The following ABCB5 variants were observed in gnomAD, a reference collection of about 807,000 sequenced individuals.
The protein encoded by ABCB5 is ATP binding cassette subfamily B member 5.
Under a neutral mutation model 144.2 loss-of-function variants are expected in ABCB5, and 155 were observed. The ratio of observed to expected loss-of-function variants is 1.08; its 90% CI spans 0.94 to 1.23. ABCB5 has a LOEUF of 1.23. ABCB5 is among the 50% of genes most tolerant of loss of function. ABCB5 has a pLI of 0.00. For synonymous variants in ABCB5, 610 were observed against 528.6 expected, an observed-to-expected ratio of 1.15 and a Z score of -2.11; for missense variants, 1,830 against 1,520.8, an observed-to-expected ratio of 1.20 and a Z score of -3.38.
rs1242291728 is a variant in ABCB5, at chr7:20,710,381, A to AAAGGG, written c.2421+5574_2421+5575insAAGGG. The stretch of plus-strand genomic sequence containing the variant: ...AAACTCCACCTCAAAAAAAAAAAAA[A>AAAGGG]GTGGGGGGGGGGCATGACTGTGTTT... On this transcript the variant is annotated intron_variant, in intron 20 of 27. Transcript: ENST00000404938. Among the ~76,000 whole-genome samples, 196 of 56,658 alleles carry AAAGGG rather than the reference A, an allele frequency of 3.5e-3. 33 individuals are homozygous for AAAGGG. Among genetic ancestry groups the AAAGGG allele is most frequent in the East Asian group, 7.2e-3 (9 of 1,258 alleles). The allele number at this position is 56,658 out of a possible 152,430, so 37.2% of individuals were successfully genotyped here.
At position 20,686,621 on chromosome 7, in the gene ABCB5, T is replaced by C. The variant is rs115163986; in HGVS notation, c.2010+785T>C. Reference sequence around the variant, plus strand: ...GCTCCAGCCCTCTTCCCAAACCCAGTCGACCTTTGCTAGCCCCTGGTGCTC... The same window carrying C: ...GCTCCAGCCCTCTTCCCAAACCCAGCCGACCTTTGCTAGCCCCTGGTGCTC... On this transcript the variant is annotated intron_variant, in intron 16 of 27. Coordinates refer to ENST00000404938, the MANE Select transcript of ABCB5 (RefSeq NM_001163941.2). Among the ~76,000 whole-genome samples the C allele has an allele frequency of 5.5e-3, 838 of 152,262 alleles. 9 individuals carry two copies. The highest frequency in any genetic ancestry group is 0.019 in the African/African-American group (792 of 41,562).
intron 20 of ABCB5, among the ~76,000 whole-genome samples, chr7:20,706,211 C>CT (rs1241482709): frequency 6.6e-6 from 1 of 152,142 alleles, no homozygotes; most frequent in Non-Finnish European, 1.5e-5. Flanking sequence ...CCATGGTATA[C>CT]TACTCCAGGC....
chr7:20,747,550 C>T (rs1337282714), intron 26 of ABCB5, among the ~76,000 whole-genome samples: 5 of 152,228 alleles, frequency 3.3e-5, no homozygotes. Flanking sequence ...TAAGCCACCA[C>T]ATCTGGCCTA....
Position 20,670,859 on chromosome 7 carries a change from A to G in ABCB5, c.1708-10646A>G, listed in dbSNP as rs529342602. Among the ~76,000 whole-genome samples, 11 of 152,322 alleles carry G rather than the reference A, an allele frequency of 7.2e-5. No homozygotes were observed. In the South Asian group the frequency reaches 2.3e-3, roughly 32 times the overall value. On this transcript the variant is annotated intron_variant, in intron 14 of 27. Coordinates refer to ENST00000404938, the MANE Select transcript of ABCB5 (RefSeq NM_001163941.2). ...GGGAGGCGGAGGTTGCAGTGAGCCGAGATCGTGCCATTGCACTCCAGCCCG... is the reference window on the plus strand; with the variant it reads ...GGGAGGCGGAGGTTGCAGTGAGCCGGGATCGTGCCATTGCACTCCAGCCCG...
intron 18 of ABCB5, 32 bp downstream of exon 18, chr7:20,699,961 T>C (rs1234784725): frequency 6.3e-7 from 1 of 1,599,400 alleles, no homozygotes; most frequent in South Asian, 1.1e-5. Flanking sequence ...CTGAGCATGA[T>C]TACTTTTTGT....
At chr7:20,666,121 G>C (rs1381894664) in intron 14 of ABCB5, among the ~76,000 whole-genome samples, 1 of 150,100 alleles carries the variant, frequency 6.7e-6, no homozygotes, top group Non-Finnish European at 1.5e-5. Context: ...GGTGAGCCGA[G>C]AGCACGCCAT....
intron 25 of ABCB5, among the ~76,000 whole-genome samples, chr7:20,744,114 G>A (rs1266534645): frequency 3.3e-5 from 5 of 152,068 alleles, no homozygotes; most frequent in Non-Finnish European, 5.9e-5. Context: ...GCCCAGGCTG[G>A]AGTACAGTGG....
intron 11 of ABCB5, among the ~76,000 whole-genome samples, chr7:20,648,852 T>C (rs904758106): frequency 6.6e-6 from 1 of 152,204 alleles, no homozygotes; most frequent in Non-Finnish European, 1.5e-5. Context: ...TCAAAGCTCT[T>C]TAGTTTTGAA....
chr7:20,736,668 G>C (rs17819195), intron 23 of ABCB5, among the ~76,000 whole-genome samples: 31,912 of 152,130 alleles, frequency 0.21, 3,467 homozygotes, highest in African/African-American at 0.22. Flanking sequence ...ATGCCTCCAG[G>C]AGCTTAAACC....
chr7:20,731,010 A>G (rs1024939477), intron 23 of ABCB5, among the ~76,000 whole-genome samples: 1 of 152,056 alleles, frequency 6.6e-6, no homozygotes, highest in Non-Finnish European at 1.5e-5. Flanking sequence ...ATCTGTTTTC[A>G]TCAATTTCTC....
intron 24 of ABCB5, among the ~76,000 whole-genome samples, chr7:20,740,695 AC>A (rs1219553555): frequency 6.6e-6 from 1 of 152,196 alleles, no homozygotes; most frequent in African/African-American, 2.4e-5. Flanking sequence ...TCCTTACAGA[AC>A]CATAGGCATG....
intron 23 of ABCB5, among the ~76,000 whole-genome samples, 165 bp downstream of exon 23, chr7:20,728,620 G>A (rs1782114119): frequency 6.6e-6 from 1 of 152,150 alleles, no homozygotes; most frequent in African/African-American, 2.4e-5. Context: ...TGGGTGTGGT[G>A]GCAGGCTCCT....
intron 5 of ABCB5, among the ~76,000 whole-genome samples, chr7:20,632,785 C>A (rs570775503): frequency 6.7e-6 from 1 of 149,990 alleles, no homozygotes; most frequent in African/African-American, 2.5e-5. Flanking sequence ...ACCGCATATT[C>A]TCACTCATAG....
intron 20 of ABCB5, among the ~76,000 whole-genome samples, chr7:20,714,157 T>C (rs573298563): frequency 3.9e-5 from 6 of 152,310 alleles, no homozygotes; most frequent in African/African-American, 1.4e-4. Context: ...TCCTTGTTAC[T>C]CTGTCTTGGT....
chr7:20,686,355 C>G (rs996001172), intron 16 of ABCB5, among the ~76,000 whole-genome samples: 1 of 152,162 alleles, frequency 6.6e-6, no homozygotes, highest in African/African-American at 2.4e-5. Flanking sequence ...TGCCTGAGCC[C>G]CACATCACCT....
intron 20 of ABCB5, among the ~76,000 whole-genome samples, chr7:20,705,886 T>G (rs1364599307): frequency 6.6e-6 from 1 of 151,996 alleles, no homozygotes; most frequent in African/African-American, 2.4e-5. Flanking sequence ...GAAAATAGAA[T>G]AAGTGGGTTA....
At chr7:20,641,117 C>T (rs1319748835) in intron 5 of ABCB5, among the ~76,000 whole-genome samples, 6 of 152,132 alleles carry the variant, frequency 3.9e-5, no homozygotes, top group South Asian at 2.1e-4. Flanking sequence ...ATCTCCATTT[C>T]GAGGTTTAAC....
chr7:20,694,471 T>C (rs1583431097), intron 16 of ABCB5, among the ~76,000 whole-genome samples: 1 of 152,056 alleles, frequency 6.6e-6, no homozygotes, highest in Non-Finnish European at 1.5e-5. Context: ...TCCTTCAACC[T>C]GATAAAAGGC....
rs189800371 is a variant in ABCB5, at chr7:20,648,661, T to C, written c.1206+583T>C. ...CCAAAAAAGTAGTTGTTGTTAAAGATTGCACAAGGCGATTACTAATAAAAC... is the reference window on the plus strand; with the variant it reads ...CCAAAAAAGTAGTTGTTGTTAAAGACTGCACAAGGCGATTACTAATAAAAC... On this transcript the variant is annotated intron_variant, in intron 11 of 27. Coordinates refer to ENST00000404938, the MANE Select transcript of ABCB5 (RefSeq NM_001163941.2). Among the ~76,000 whole-genome samples, 168 of 152,272 alleles carry C rather than the reference T, an allele frequency of 1.1e-3. 1 individual carries two copies. Among genetic ancestry groups the C allele is most frequent in the African/African-American group, 3.6e-3 (149 of 41,560 alleles).
Sources: allele counts gnomAD v4.1 joint callset (sites outside exome capture counted in the v4.1 genomes callset), GRCh38; gene constraint gnomAD v4.1.1; transcripts MANE v1.5; gene names NCBI Gene and HGNC (gene_info 2026-07-23, HGNC 2026-07-21).